The following MGRN1 variants were observed in gnomAD, a reference collection of about 807,000 sequenced individuals.
MGRN1 encodes the protein mahogunin ring finger 1, also known as E3 ubiquitin-protein ligase MGRN1.
In MGRN1, 29 loss-of-function variants were observed where a neutral mutation model predicts 69.2. That is an observed-to-expected ratio of 0.42 (90% CI 0.31 to 0.57). The LOEUF (loss-of-function observed/expected upper bound fraction) is 0.57, where lower values mean the gene tolerates loss of function less well. Among genes scored for constraint, MGRN1 ranks in the 20% least tolerant of loss-of-function variants. MGRN1 has a pLI of 0.15. For missense variants in MGRN1, 998 were observed against 796.2 expected (o/e 1.25, Z -3.05); for synonymous variants, 470 against 344.2 (o/e 1.37, Z -4.04).
At chr16:4,688,250 T>C (rs841222) in intron 16 of MGRN1, 702,333 of 985,740 alleles carry the variant, frequency 0.71, 251,339 homozygotes, top group East Asian at 0.75. Flanking sequence ...CAGACCCATC[T>C]GGGGACAGCG....
At chr16:4,644,305 G>GTTTT (rs79613493) in intron 1 of MGRN1, among the ~76,000 whole-genome samples, 15 of 107,574 alleles carry the variant, frequency 1.4e-4, no homozygotes, top group African/African-American at 3.8e-4. Context: ...TCAATTACCA[G>GTTTT]TTTTTTTTTT....
chr16:4,667,822 G>A (rs1008564022), intron 7 of MGRN1, among the ~76,000 whole-genome samples: 18 of 152,124 alleles, frequency 1.2e-4, no homozygotes, highest in Non-Finnish European at 1.9e-4. Context: ...ACCACTGTGC[G>A]TGCTCCCGCT....
At chr16:4,672,509 C>T (rs1369064522) in intron 9 of MGRN1, 1 of 455,214 alleles carries the variant, frequency 2.2e-6, no homozygotes, top group African/African-American at 2.0e-5. Flanking sequence ...TCGCCTCAAC[C>T]CAGGGAAGTC....
chr16:4,640,021 CCCGCGTTCTTGGGAGGCCTTG>C (rs1302019442), intron 1 of MGRN1: 3 of 152,308 alleles, frequency 2.0e-5, no homozygotes, highest in Admixed American at 1.3e-4. Flanking sequence ...TCGCCTTTCG[CCCGCGTTCTTGGGAGGCCTTG>C]CCGCGTCCCG....
At chr16:4,659,172 AAAAAT>A (rs1159619909) in intron 5 of MGRN1, 2 of 151,792 alleles carry the variant, frequency 1.3e-5, no homozygotes, top group Non-Finnish European at 2.9e-5. Context: ...AAAAAAAAAT[AAAAAT>A]AAAAATAAAA....
intron 5 of MGRN1, among the ~76,000 whole-genome samples, chr16:4,659,964 T>A (rs1342649742): frequency 6.6e-6 from 1 of 152,210 alleles, no homozygotes; most frequent in Non-Finnish European, 1.5e-5. Context: ...GTCTTCTCTT[T>A]GTGGCCCCAT....
At chr16:4,628,084 A>C (rs562270003) in intron 1 of MGRN1, among the ~76,000 whole-genome samples, 2 of 147,404 alleles carry the variant, frequency 1.4e-5, no homozygotes, top group Admixed American at 1.3e-4. Context: ...CGTCTCAAAA[A>C]AAAAAAAAAA....
chr16:4,625,055 G>T lies in MGRN1; in HGVS notation c.88+7G>T, dbSNP rs1278770474. The T allele has an allele frequency of 2.6e-6, 4 of 1,537,780 alleles. No homozygotes were observed. The East Asian group carries it at 1.1e-4, about 43-fold the overall frequency. ...CGCTACCCTCCGAAGTCCGGTGAGCGCCCGGCCCCAGGCGCGGACTGCTAG... is the reference window on the plus strand; with the variant it reads ...CGCTACCCTCCGAAGTCCGGTGAGCTCCCGGCCCCAGGCGCGGACTGCTAG... On this transcript the variant is annotated splice_region_variant and intron_variant, in intron 1 of 16. Transcript: ENST00000262370.
chr16:4,661,021 T>A (rs554387140), intron 5 of MGRN1, among the ~76,000 whole-genome samples: 1 of 152,092 alleles, frequency 6.6e-6, no homozygotes, highest in African/African-American at 2.4e-5. Context: ...TCACTCTGTC[T>A]CCCAGGCTGG....
intron 7 of MGRN1, 83 bp from the exon 8 acceptor site, chr16:4,668,182 G>T: frequency 8.4e-7 from 1 of 1,190,190 alleles, no homozygotes; most frequent in South Asian, 1.5e-5. Context: ...GCTGGGGCAG[G>T]GTGGCCAACC....
At chr16:4,626,512 A>G (rs1897686989) in intron 1 of MGRN1, among the ~76,000 whole-genome samples, 1 of 152,224 alleles carries the variant, frequency 6.6e-6, no homozygotes, top group East Asian at 1.9e-4. Flanking sequence ...TACAGCCCTC[A>G]GAACCACACC....
rs1317510992 is a variant in MGRN1, at chr16:4,650,381, G to C, written c.105G>C (p.Ser35=). 2 of 1,611,232 alleles carry C rather than the reference G, an allele frequency of 1.2e-6. No individual in the cohort carries two copies. Among genetic ancestry groups the C allele is most frequent in the East Asian group, 2.2e-5 (1 of 44,838 alleles). The change falls in exon 2 of 17, where the codon TCG becomes TCC. Residue 35 remains serine, a synonymous_variant. Transcript: ENST00000262370. ...YPPKSGNYFA[S]HFFMGGEKFD... ...TTTAAACAGGAAACTACTTTGCTTC[G>C]CACTTTTTCATGGGAGGAGAGAAAT...
At chr16:4,656,347 T>C (rs1469912009) in intron 4 of MGRN1, among the ~76,000 whole-genome samples, 1 of 152,096 alleles carries the variant, frequency 6.6e-6, no homozygotes, top group African/African-American at 2.4e-5. Context: ...ACCTGTGTGG[T>C]GGTTCACAGG....
intron 16 of MGRN1, chr16:4,687,578 T>TACAAACACACACACAC: frequency 1.1e-6 from 1 of 930,638 alleles, no homozygotes; most frequent in Non-Finnish European, 1.3e-6. Flanking sequence ...AAAAAAAAAA[T>TACAAACACACACACAC]ACACACACAC....
intron 13 of MGRN1, among the ~76,000 whole-genome samples, chr16:4,682,458 G>A (rs2079208012): frequency 6.6e-6 from 1 of 152,204 alleles, no homozygotes; most frequent in African/African-American, 2.4e-5. Flanking sequence ...CCCGCCCTGG[G>A]CACCCTCCAT....
In MGRN1 at chr16:4,686,383, G is replaced by T. The variant is rs1320454682; in HGVS notation, c.1619-2413G>T. On this transcript the variant is annotated intron_variant, in intron 16 of 16. Transcript: ENST00000262370. ...GGAGCCCTCCCCTGCTCTCTGGCGGGGGTTCCTTCTGGTTTTTGGGTCTTC... is the reference window on the plus strand; with the variant it reads ...GGAGCCCTCCCCTGCTCTCTGGCGGTGGTTCCTTCTGGTTTTTGGGTCTTC... 5 of 1,506,518 alleles carry T rather than the reference G, an allele frequency of 3.3e-6. No homozygotes were observed. The Admixed American group carries it at 1.1e-4, about 34-fold the overall frequency. 93.3% of individuals were successfully genotyped at this position (1,506,518 alleles called of 1,614,324 possible). A position where few individuals can be genotyped will look rare whatever the true frequency, so the allele number is the denominator to read the frequency against.
rs1279993751 is a variant in MGRN1 at position 4,689,654 on chromosome 16, C to T, written c.*746C>T. 1 of 152,268 alleles carries T rather than the reference C, an allele frequency of 6.6e-6. No homozygotes were observed. Among genetic ancestry groups the T allele is most frequent in the African/African-American group, 2.4e-5 (1 of 41,468 alleles). The allele number at this position is 152,268 out of a possible 1,614,324, so 9.4% of individuals were successfully genotyped here. On this transcript the variant is annotated 3_prime_UTR_variant, in exon 17 of 17. Coordinates refer to ENST00000262370, the MANE Select transcript of MGRN1 (RefSeq NM_015246.4). Reference sequence around the variant, plus strand: ...CTCCTGGTGCTGGCTTTGGTGACATCACAAGGCCCCTCCAGGTGCAGGGGC... The same window carrying T: ...CTCCTGGTGCTGGCTTTGGTGACATTACAAGGCCCCTCCAGGTGCAGGGGC...
At position 4,652,682 on chromosome 16, in the gene MGRN1, A is replaced by G. The variant is rs768946056; in HGVS notation, c.301A>G (p.Lys101Glu). 2.1e-5 allele frequency: 34 copies of G among 1,612,212 alleles called. No homozygotes were observed. The highest frequency in any genetic ancestry group is 1.6e-5 in the Non-Finnish European group (19 of 1,179,204). ...RKDSLRLVRY[K>E]DDADSPTEDG... is the part of the protein sequence containing the mutation. Reference sequence around the variant, plus strand: ...TCTCTCCACCGCCTGGGGTAGGTACAAAGACGATGCCGACAGCCCCACCGA... The same window carrying G: ...TCTCTCCACCGCCTGGGGTAGGTACGAAGACGATGCCGACAGCCCCACCGA... The change falls in exon 4 of 17, where the codon AAA becomes GAA. Residue 101 changes from lysine to glutamate, a missense_variant. Physicochemically the swap from Lys to Glu is moderately conservative, Grantham distance 56 (BLOSUM62 1). Transcript: ENST00000262370.
At chr16:4,683,178 G>T in intron 14 of MGRN1, 46 bp from the exon 15 acceptor site, 1 of 1,607,944 alleles carries the variant, frequency 6.2e-7, no homozygotes, top group African/African-American at 1.3e-5. Flanking sequence ...TGGAGCGGTG[G>T]CCGCGGCTCT....
Sources: gnomAD v4.1 joint callset for allele counts (sites outside exome capture counted in the v4.1 genomes callset) on GRCh38, gnomAD v4.1.1 for gene constraint, MANE v1.5 for transcripts, NCBI Gene and HGNC (gene_info 2026-07-23, HGNC 2026-07-21) for gene names.